Variants in ULK4 observed in about 807,000 individuals in gnomAD.
ULK4 encodes unc-51 like kinase 4, also known as inactive serine/threonine-protein kinase ULK4.
ULK4 carries 133 observed loss-of-function variants against 160.6 expected under a neutral mutation model. That is an observed-to-expected ratio of 0.83 (90% CI 0.72 to 0.96). ULK4 has a LOEUF of 0.96. Among genes scored for constraint, ULK4 ranks in the 40% least tolerant of loss-of-function variants. ULK4 has a pLI of 0.00. For missense variants in ULK4, 1,580 were observed against 1,499.5 expected (o/e 1.05, Z -0.89); for synonymous variants, 534 against 539.8 (o/e 0.99, Z 0.15).
chr3:41,326,214 C>T (rs915384729), intron 35 of ULK4, among the ~76,000 whole-genome samples: 3 of 152,054 alleles, frequency 2.0e-5, no homozygotes, highest in African/African-American at 7.2e-5. Context: ...GCATTCCAAT[C>T]ACGAGTAGTA....
At chr3:41,667,567 G>A (rs748530589) in intron 29 of ULK4, among the ~76,000 whole-genome samples, 8 of 152,118 alleles carry the variant, frequency 5.3e-5, no homozygotes, top group African/African-American at 9.7e-5. Flanking sequence ...TCTTGAAATG[G>A]CCTCAGGGAA....
In ULK4 at chr3:41,789,648, A is replaced by G; in HGVS notation, c.2193+13T>C. On this transcript the variant is annotated intron_variant, in intron 21 of 36. Transcript: ENST00000301831. The stretch of plus-strand genomic sequence containing the variant: ...TTTTTAATGTAGAGTAACAGGTAAA[A>G]TCTAAGTCAAACCTTTTCTTGGATT... 6.4e-7 allele frequency: 1 copy of G among 1,555,628 alleles called. No individual in the cohort carries two copies. Among genetic ancestry groups the G allele is most frequent in the Non-Finnish European group, 8.7e-7 (1 of 1,152,278 alleles).
At chr3:41,951,299 A>T (rs960701972) in intron 2 of ULK4, among the ~76,000 whole-genome samples, 2 of 152,038 alleles carry the variant, frequency 1.3e-5, no homozygotes, top group African/African-American at 4.8e-5. Flanking sequence ...TGCAATTCTT[A>T]TCAAAATCCC....
intron 16 of ULK4, among the ~76,000 whole-genome samples, chr3:41,892,539 T>C (rs1192941828): frequency 6.6e-6 from 1 of 152,220 alleles, no homozygotes; most frequent in African/African-American, 2.4e-5. Context: ...TGCTGACACA[T>C]GTTAGTTATA....
intron 17 of ULK4, among the ~76,000 whole-genome samples, chr3:41,877,298 T>TA (rs139465676): frequency 0.064 from 9,531 of 149,418 alleles, 580 homozygotes; most frequent in East Asian, 0.16. Flanking sequence ...AACTCTAAGC[T>TA]AAAAAAAAAG....
At chr3:41,667,613 C>T (rs1218504755) in intron 29 of ULK4, among the ~76,000 whole-genome samples, 2 of 152,142 alleles carry the variant, frequency 1.3e-5, no homozygotes, top group African/African-American at 4.8e-5. Flanking sequence ...TTCTGATGGA[C>T]TAGGGGCTGG....
chr3:41,523,381 G>C (rs115184936), intron 32 of ULK4, among the ~76,000 whole-genome samples: 225 of 152,348 alleles, frequency 1.5e-3, no homozygotes, highest in African/African-American at 4.7e-3. Flanking sequence ...CTGGGACTGA[G>C]ATTGTGAGCA....
intron 31 of ULK4, among the ~76,000 whole-genome samples, chr3:41,575,079 C>T (rs1016200080): frequency 6.6e-6 from 1 of 152,144 alleles, no homozygotes; most frequent in Non-Finnish European, 1.5e-5. Flanking sequence ...GCTTTCAATC[C>T]GGCATTATGA....
intron 29 of ULK4, among the ~76,000 whole-genome samples, chr3:41,672,133 A>G (rs1456160391): frequency 2.0e-5 from 3 of 152,132 alleles, no homozygotes; most frequent in Non-Finnish European, 4.4e-5. Flanking sequence ...AGAATGTAAC[A>G]TAGCCATTAT....
intron 30 of ULK4, among the ~76,000 whole-genome samples, chr3:41,622,958 G>C (rs1024335334): frequency 6.6e-6 from 1 of 152,100 alleles, no homozygotes; most frequent in Non-Finnish European, 1.5e-5. Context: ...AAATAAACAT[G>C]GGTGTGTTCC....
At chr3:41,643,780 G>A (rs1355596346) in intron 30 of ULK4, among the ~76,000 whole-genome samples, 1 of 152,068 alleles carries the variant, frequency 6.6e-6, no homozygotes, top group African/African-American at 2.4e-5. Context: ...AATTACCTTG[G>A]GCAGTATGGC....
At position 41,683,315 on chromosome 3, in the gene ULK4, C is replaced by T. The variant is rs191124832; in HGVS notation, c.2782-1511G>A. 9.9e-5 allele frequency among the ~76,000 whole-genome samples: 15 copies of T among 152,150 alleles called. No homozygotes were observed. In the East Asian group the frequency reaches 2.9e-3, roughly 30 times the overall value. ...GAAGCCTCGTCTGGGAGAACTCTGT[C>T]GGCCTCATGTCCTATTGCATTGAGA... On this transcript the variant is annotated intron_variant, in intron 27 of 36. Coordinates refer to ENST00000301831, the MANE Select transcript of ULK4 (RefSeq NM_017886.4).
At chr3:41,745,464 A>G (rs888306244) in intron 22 of ULK4, among the ~76,000 whole-genome samples, 1 of 151,798 alleles carries the variant, frequency 6.6e-6, no homozygotes, top group African/African-American at 2.4e-5. Context: ...AAAATTTTAA[A>G]ATATGCATGG....
At chr3:41,621,537 G>A (rs2033245124) in intron 30 of ULK4, among the ~76,000 whole-genome samples, 1 of 152,118 alleles carries the variant, frequency 6.6e-6, no homozygotes, top group African/African-American at 2.4e-5. Context: ...TTAATAAATG[G>A]TGCTTGGAAA....
At chr3:41,481,822 G>A (rs1255159496) in intron 32 of ULK4, among the ~76,000 whole-genome samples, 57 of 103,624 alleles carry the variant, frequency 5.5e-4, no homozygotes, top group Non-Finnish European at 8.1e-4. Context: ...GCGAGACTCC[G>A]TCTCAAAAAA....
intron 30 of ULK4, among the ~76,000 whole-genome samples, chr3:41,658,067 C>A (rs1488857071): frequency 2.6e-5 from 4 of 152,022 alleles, no homozygotes; most frequent in Non-Finnish European, 5.9e-5. Flanking sequence ...TGCAATGAAA[C>A]TAGAAATTAA....
intron 34 of ULK4, among the ~76,000 whole-genome samples, chr3:41,453,378 T>C (rs2083466276): frequency 6.6e-6 from 1 of 152,112 alleles, no homozygotes; most frequent in South Asian, 2.1e-4. Context: ...AGTCCTGCTA[T>C]GTTGCCTAGG....
chr3:41,874,694 C>A (rs1182677502), intron 17 of ULK4, among the ~76,000 whole-genome samples: 1 of 152,060 alleles, frequency 6.6e-6, no homozygotes, highest in Non-Finnish European at 1.5e-5. Flanking sequence ...ATAATGGACA[C>A]TGGAGACTCA....
At chr3:41,793,238 T>C (rs2040204251) in intron 20 of ULK4, among the ~76,000 whole-genome samples, 1 of 152,088 alleles carries the variant, frequency 6.6e-6, no homozygotes, top group Admixed American at 6.6e-5. Flanking sequence ...AAAAAACTGT[T>C]CCAGTTCAAA....
Sources: gnomAD v4.1 joint callset for allele counts (sites outside exome capture counted in the v4.1 genomes callset) on GRCh38, gnomAD v4.1.1 for gene constraint, MANE v1.5 for transcripts, NCBI Gene and HGNC (gene_info 2026-07-23, HGNC 2026-07-21) for gene names.